The following DYRK1B variants were observed in gnomAD, a reference collection of about 807,000 sequenced individuals.
DYRK1B encodes the protein dual specificity tyrosine phosphorylation regulated kinase 1B, also known as dual specificity tyrosine-phosphorylation-regulated kinase 1B.
DYRK1B carries 20 observed loss-of-function variants against 57.1 expected under a neutral mutation model. The observed-to-expected ratio is 0.35, with a 90% CI of 0.25 to 0.51. The LOEUF (loss-of-function observed/expected upper bound fraction) is 0.51, where lower values mean the gene tolerates loss of function less well. Among genes scored for constraint, DYRK1B ranks in the 20% least tolerant of loss-of-function variants. DYRK1B has a pLI of 0.96. For missense variants in DYRK1B, 732 were observed against 886.3 expected (o/e 0.83, Z 2.21); for synonymous variants, 409 against 384.7 (o/e 1.06, Z -0.74).
chr19:39,833,031 G>A, intron 1 of DYRK1B: 3 of 985,278 alleles, frequency 3.0e-6, no homozygotes, highest in Non-Finnish European at 3.6e-6. Flanking sequence ...CACTCCTAGA[G>A]GGCCTCAAAG....
chr19:39,827,189 G>T, intron 8 of DYRK1B, 96 bp downstream of exon 8: 1 of 1,454,718 alleles, frequency 6.9e-7, no homozygotes, highest in South Asian at 1.4e-5. Context: ...GTGGAAGGAA[G>T]GGAAAGACAC....
At chr19:39,830,873 G>T in intron 2 of DYRK1B, 90 bp from the exon 3 acceptor site, 2 of 1,436,230 alleles carry the variant, frequency 1.4e-6, no homozygotes, top group Non-Finnish European at 1.9e-6. Flanking sequence ...GGCACATCAT[G>T]TATTTGGTTG....
intron 4 of DYRK1B, 48 bp downstream of exon 4, chr19:39,830,327 T>A: frequency 6.2e-7 from 1 of 1,610,712 alleles, no homozygotes; most frequent in Non-Finnish European, 8.5e-7. Context: ...GGGTGTGTGA[T>A]CAATGTTAGT....
chr19:39,830,817 C>T lies in DYRK1B; in HGVS notation c.64-34G>A, dbSNP rs764858361. On this transcript the variant is annotated intron_variant, in intron 2 of 10. Transcript: ENST00000323039. ...CAGGGTGAGGGGTGGGCACTGAGGA[C>T]GTGCCTTCACCTCCGACCTCAAGAG... The T allele has an allele frequency of 1.2e-5, 19 of 1,585,276 alleles. No individual in the cohort carries two copies. In the East Asian group the frequency reaches 1.3e-4, roughly 11 times the overall value.
chr19:39,827,263 T>G, intron 8 of DYRK1B, 22 bp downstream of exon 8: 1 of 1,587,794 alleles, frequency 6.3e-7, no homozygotes, highest in East Asian at 2.3e-5. Context: ...GTGGGAGGAG[T>G]GGCATGGGGC....
At chr19:39,833,326 G>A (rs137981986) in intron 1 of DYRK1B, 53,872 of 985,554 alleles carry the variant, frequency 0.055, 1,616 homozygotes, top group Non-Finnish European at 0.06. Context: ...CCCCCAGTGG[G>A]GTGGGCGAGC....
rs528293272 is a variant in DYRK1B at position 39,825,718 on chromosome 19, C to T, written c.1887G>A (p.Ser629=). ...RGVPQSTAAS[S] is the part of the protein sequence containing the mutation. ...GGGCCCCAGGGAGGGGGCAGGGTCA[C>T]GAGCTGGCTGCTGTGCTCTGGGGTA... The change falls in exon 11 of 11, where the codon TCG becomes TCA. Residue 629 remains serine (S), a synonymous_variant. Coordinates refer to ENST00000323039, the MANE Select transcript of DYRK1B (RefSeq NM_004714.3). The T allele has an allele frequency of 2.7e-4, 424 of 1,549,502 alleles. 6 individuals carry two copies. In the South Asian group the frequency reaches 4.7e-3, roughly 17 times the overall value.
At chr19:39,833,387 GC>G in intron 1 of DYRK1B, 1 of 982,120 alleles carries the variant, frequency 1.0e-6, no homozygotes, top group Non-Finnish European at 1.2e-6. Context: ...CCTGTCTCTG[GC>G]CCGGCCGGCC....
At chr19:39,833,226 C>T in intron 1 of DYRK1B, 1 of 985,802 alleles carries the variant, frequency 1.0e-6, no homozygotes, top group South Asian at 4.7e-5. Context: ...CTCCGGGGCC[C>T]TCCCACACCA....
At position 39,828,378 on chromosome 19, in the gene DYRK1B, G is replaced by C; in HGVS notation, c.726C>G (p.Pro242=). Residue 242 remains proline (P), a synonymous_variant, in exon 6 of 11, where the codon CCC becomes CCG. Transcript: ENST00000323039. The surrounding 1 kb of genome is among the most constrained non-coding windows in gnomAD (Gnocchi z 4.3). Reference sequence around the variant, plus strand: ...TGGGGTTGCACAGCAAGATGTTTTCGGGCTTGAGGTCGCAGTGAATGATGC... The same window carrying C: ...TGGGGTTGCACAGCAAGATGTTTTCCGGCTTGAGGTCGCAGTGAATGATGC... The part of the protein sequence containing the change: ...ELSIIHCDLK[P]ENILLCNPKR... 1.9e-6 allele frequency: 3 copies of C among 1,614,116 alleles called. No homozygotes were observed. The highest frequency in any genetic ancestry group is 2.5e-6 in the Non-Finnish European group (3 of 1,180,016).
At position 39,826,076 on chromosome 19, in the gene DYRK1B, G is replaced by A. The variant is rs1002353414; in HGVS notation, c.1529C>T (p.Ser510Phe). The A allele has an allele frequency of 3.9e-6, 6 of 1,523,684 alleles. No homozygotes were observed. In the African/African-American group the frequency reaches 4.2e-5, roughly 11 times the overall value. 94.4% of individuals were successfully genotyped at this position (1,523,684 alleles called of 1,614,324 possible). A position where few individuals can be genotyped will look rare whatever the true frequency, so the allele number is the denominator to read the frequency against. Residue 510 changes from serine (S) to phenylalanine (F), a missense_variant, in exon 11 of 11, where the codon TCC becomes TTC. Physicochemically the swap from Ser to Phe is radical, Grantham distance 155 (BLOSUM62 -2). Transcript: ENST00000323039. This position sits in a 1 kb window ranked among gnomAD's most constrained non-coding sequence, Gnocchi z 6.3. ...CEMNSPQVPPSQPLRPWAGGD... is the reference protein window; with the variant it reads ...CEMNSPQVPPFQPLRPWAGGD... ...CCCTGCCCAGGGCCGCAGCGGCTGGGAGGGTGGGACCTAAAAAAGCAAAGG... is the reference window on the plus strand; with the variant it reads ...CCCTGCCCAGGGCCGCAGCGGCTGGAAGGGTGGGACCTAAAAAAGCAAAGG...
intron 8 of DYRK1B, 99 bp downstream of exon 8, chr19:39,827,186 G>T (rs1262884504): frequency 1.2e-5 from 17 of 1,442,480 alleles, no homozygotes; most frequent in Non-Finnish European, 1.6e-5. Context: ...GGAGTGGAAG[G>T]AAGGGAAAGA....
At chr19:39,830,642 G>A (rs1247361969) in intron 3 of DYRK1B, 22 bp downstream of exon 3, 3 of 1,612,996 alleles carry the variant, frequency 1.9e-6, no homozygotes, top group Non-Finnish European at 2.5e-6. Flanking sequence ...ACCCAGCCCA[G>A]GATCCCCCAG....
intron 8 of DYRK1B, 109 bp from the exon 9 acceptor site, chr19:39,827,096 A>G: frequency 1.7e-6 from 2 of 1,208,368 alleles, no homozygotes; most frequent in Non-Finnish European, 2.2e-6. Flanking sequence ...AGTGGAAAGA[A>G]AAGCTAAGAA....
Position 39,826,784 on chromosome 19 carries a change from G to C in DYRK1B, c.1299C>G (p.Arg433=). The C allele has an allele frequency of 1.3e-6, 2 of 1,557,994 alleles. No homozygotes were observed. The highest frequency in any genetic ancestry group is 1.2e-5 in the South Asian group (1 of 84,208). ...LGALQHGFFR[R]TADEATNTGP... ...CCGTGTTGGTGGCCTCGTCGGCCGT[G>C]CGGCGGAAGAAGCCGTGCTGCAGAG... Residue 433 remains arginine (R), a synonymous_variant, in exon 9 of 11, where the codon CGC becomes CGG. Coordinates refer to ENST00000323039, the MANE Select transcript of DYRK1B (RefSeq NM_004714.3). The surrounding 1 kb of genome is among the most constrained non-coding windows in gnomAD (Gnocchi z 6.3).
At position 39,830,493 on chromosome 19, in the gene DYRK1B, T is replaced by C. The variant is rs777674210; in HGVS notation, c.254A>G (p.Lys85Arg). The stretch of plus-strand genomic sequence containing the variant: ...ATCATAACCATGGTTCAGGACCTTC[T>C]TCTCCTTCTTGTTGCTCGAATCCTG... ...PPQDSSNKKE[K>R]KVLNHGYDDD... The change falls in exon 4 of 11, where the codon AAG becomes AGG. Residue 85 changes from lysine to arginine, a missense_variant. Coordinates refer to ENST00000323039, the MANE Select transcript of DYRK1B (RefSeq NM_004714.3). 3.7e-6 allele frequency: 6 copies of C among 1,614,236 alleles called. No homozygotes were observed. Among genetic ancestry groups the C allele is most frequent in the Admixed American group, 3.3e-5 (2 of 60,034 alleles).
intron 6 of DYRK1B, 47 bp from the exon 7 acceptor site, chr19:39,827,703 C>T: frequency 6.3e-7 from 1 of 1,590,078 alleles, no homozygotes; most frequent in Non-Finnish European, 8.6e-7. Flanking sequence ...CCTACTGGTC[C>T]CACTGACACC....
chr19:39,827,014 G>GGGGGGGGCC, intron 8 of DYRK1B, 27 bp from the exon 9 acceptor site: 2 of 419,600 alleles, frequency 4.8e-6, no homozygotes, highest in Non-Finnish European at 8.6e-6. Context: ...GGGAGGGGGG[G>GGGGGGGGCC]CAAGAGAGTG....
Position 39,826,230 on chromosome 19 carries a change from A to G in DYRK1B, c.1468T>C (p.Cys490Arg). ...GTGATAGGGGGCCCAGGGCCCCCACAATATCGGTTGCTGTAGCGGTAGGTC... is the reference window on the plus strand; with the variant it reads ...GTGATAGGGGGCCCAGGGCCCCCACGATATCGGTTGCTGTAGCGGTAGGTC... ...NRTYRYSNRY[C>R]GGPGPPITDC... The change falls in exon 10 of 11, where the codon TGT becomes CGT. Residue 490 changes from cysteine to arginine, a missense_variant. Physicochemically the swap from Cys to Arg is radical, Grantham distance 180 (BLOSUM62 -3). Around this residue, in one of 2 missense-constraint regions of DYRK1B, gnomAD observed 222 missense variants for 205.0 expected, o/e 1.08. Transcript: ENST00000323039. The surrounding 1 kb of genome is among the most constrained non-coding windows in gnomAD (Gnocchi z 6.3). 6.3e-7 allele frequency: 1 copy of G among 1,595,734 alleles called. No individual in the cohort carries two copies.
Sources: allele counts gnomAD v4.1 joint callset, GRCh38; gene constraint gnomAD v4.1.1; regional missense constraint gnomAD v4.1.1; non-coding constraint Gnocchi (gnomAD v3.1); transcripts MANE v1.5; gene names NCBI Gene and HGNC (gene_info 2026-07-23, HGNC 2026-07-21).